The following LYRM4 variants were observed in gnomAD, a reference collection of about 807,000 sequenced individuals.
LYRM4 encodes the protein LYR motif containing 4.
Under a neutral mutation model 11.7 loss-of-function variants are expected in LYRM4, and 9 were observed. That is an observed-to-expected ratio of 0.77 (90% CI 0.46 to 1.34). LYRM4 has a LOEUF of 1.34. LYRM4 is among the 40% of genes most tolerant of loss of function. The probability of loss-of-function intolerance (pLI) is 0.00; values close to 1 mark genes in which losing one functional copy is unlikely to be tolerated. For synonymous variants in LYRM4, 42 were observed against 40.4 expected (o/e 1.04, Z -0.15); for missense variants, 133 against 112.5 (o/e 1.18, Z -0.82).
chr6:5,066,897 C>G, the LYRM4 span: 2 of 1,158,536 alleles, frequency 1.7e-6, no homozygotes, highest in South Asian at 1.7e-5. Context: ...CATCGCCGCT[C>G]CAGACCCTAA....
intron 2 of LYRM4, among the ~76,000 whole-genome samples, chr6:5,196,768 T>C (rs1479649223): frequency 6.6e-6 from 1 of 152,216 alleles, no homozygotes; most frequent in African/African-American, 2.4e-5. Context: ...AGTGACTCAA[T>C]TCTTTTGTCT....
At chr6:5,105,279 C>A (rs903166483), downstream of LYRM4, 1 of 152,336 alleles carries the variant, frequency 6.6e-6, no homozygotes, top group Non-Finnish European at 1.5e-5. Context: ...CTGGGGAGCT[C>A]GGGCTGTGCT....
chr6:5,058,710 T>G, the LYRM4 span, among the ~76,000 whole-genome samples: 1 of 152,162 alleles, frequency 6.6e-6, no homozygotes, highest in Non-Finnish European at 1.5e-5. Context: ...CCCCTGTTAT[T>G]TTTCCTGTTT....
At chr6:5,257,344 T>A (rs35532313) in intron 1 of LYRM4, among the ~76,000 whole-genome samples, 1,578 of 152,262 alleles carry the variant, frequency 0.01, 35 homozygotes, top group African/African-American at 0.035. Context: ...TGATCCAACA[T>A]CACCCCTTGG....
chr6:5,077,694 T>C, the LYRM4 span, among the ~76,000 whole-genome samples: 1 of 152,222 alleles, frequency 6.6e-6, no homozygotes, highest in African/African-American at 2.4e-5. Context: ...GAAAGTCAAC[T>C]ATATTCTATT....
chr6:5,095,349 G>A, the LYRM4 span, among the ~76,000 whole-genome samples: 3 of 152,280 alleles, frequency 2.0e-5, no homozygotes, highest in Admixed American at 6.5e-5. Flanking sequence ...GGCAGCCTGC[G>A]AACTAGAATA....
intron 1 of LYRM4, among the ~76,000 whole-genome samples, chr6:5,254,810 C>T (rs114686373): frequency 0.038 from 5,721 of 152,274 alleles, 127 homozygotes; most frequent in Middle Eastern, 0.095. Context: ...CAGCTGTGCT[C>T]TCAGGTACCA....
intron 1 of LYRM4, among the ~76,000 whole-genome samples, chr6:5,252,632 T>C (rs534238165): frequency 6.6e-6 from 1 of 152,322 alleles, no homozygotes; most frequent in South Asian, 2.1e-4. Flanking sequence ...GATGCTAGAA[T>C]AGCTGTATCC....
the LYRM4 span, among the ~76,000 whole-genome samples, chr6:5,047,133 T>C: frequency 6.6e-6 from 1 of 152,144 alleles, no homozygotes; most frequent in African/African-American, 2.4e-5. Context: ...TTCAAGGGGA[T>C]AGGATTACAC....
chr6:5,082,957 C>T, the LYRM4 span, among the ~76,000 whole-genome samples: 20 of 152,334 alleles, frequency 1.3e-4, no homozygotes, highest in South Asian at 8.3e-4. Context: ...GCCTCCTGAC[C>T]AGGTCAGATA....
At chr6:5,211,789 A>G (rs1762001500) in intron 2 of LYRM4, among the ~76,000 whole-genome samples, 1 of 152,220 alleles carries the variant, frequency 6.6e-6, no homozygotes, top group Admixed American at 6.5e-5. Context: ...TATGTACTAT[A>G]GTAACAATAT....
chr6:5,200,142 A>T (rs946474628), intron 2 of LYRM4, among the ~76,000 whole-genome samples: 1 of 152,214 alleles, frequency 6.6e-6, no homozygotes, highest in African/African-American at 2.4e-5. Flanking sequence ...CTATAAATAT[A>T]TAGGACACTG....
chr6:5,144,161 G>A (rs1209531221), intron 2 of LYRM4: 11 of 1,536,620 alleles, frequency 7.2e-6, no homozygotes, highest in African/African-American at 4.1e-5. Flanking sequence ...AAGAGCAAAC[G>A]TCTGTCAGGT....
chr6:5,166,911 C>T (rs1759119642), intron 2 of LYRM4, among the ~76,000 whole-genome samples: 2 of 152,004 alleles, frequency 1.3e-5, no homozygotes, highest in African/African-American at 4.8e-5. Context: ...TTGTCAAAAC[C>T]AAAAAGCCAT....
At chr6:5,103,145 A>G (rs1161635061), downstream of LYRM4, 1 of 152,140 alleles carries the variant, frequency 6.6e-6, no homozygotes, top group Non-Finnish European at 1.5e-5. Context: ...CTTTAGGTAA[A>G]CTCTCCAAGA....
the LYRM4 span, among the ~76,000 whole-genome samples, chr6:5,092,919 G>C: frequency 6.6e-6 from 1 of 152,186 alleles, no homozygotes; most frequent in South Asian, 2.1e-4. Flanking sequence ...CCTAAGATTA[G>C]TAAGTTTCTA....
intron 2 of LYRM4, among the ~76,000 whole-genome samples, chr6:5,120,738 G>A (rs1763414089): frequency 6.6e-6 from 1 of 152,182 alleles, no homozygotes; most frequent in Non-Finnish European, 1.5e-5. Flanking sequence ...TAGCCTCAGA[G>A]CGCTGATTGG....
chr6:5,075,802 T>G, the LYRM4 span, among the ~76,000 whole-genome samples: 10 of 152,188 alleles, frequency 6.6e-5, no homozygotes. Context: ...TTTTTAAATT[T>G]TGCTGTTTTA....
chr6:5,185,118 CCT>C (rs759314107), intron 2 of LYRM4, among the ~76,000 whole-genome samples: 42 of 152,332 alleles, frequency 2.8e-4, no homozygotes, highest in Non-Finnish European at 3.7e-4. Context: ...CTACCTAGCT[CCT>C]CGAGGGTCGA....
Sources: gnomAD v4.1 joint callset for allele counts (sites outside exome capture counted in the v4.1 genomes callset) on GRCh38, gnomAD v4.1.1 for gene constraint, MANE v1.5 for transcripts, NCBI Gene and HGNC (gene_info 2026-07-23, HGNC 2026-07-21) for gene names.